The following RIPOR3 variants were observed in gnomAD, a reference collection of about 807,000 sequenced individuals.
The protein encoded by RIPOR3 is RIPOR family member 3, also known as family with sequence similarity 65 member C.
In RIPOR3, 95 loss-of-function variants were observed where a neutral mutation model predicts 114.3. That is an observed-to-expected ratio of 0.83 (90% CI 0.70 to 0.99). RIPOR3 has a LOEUF of 0.99. Among genes scored for constraint, RIPOR3 ranks in the 50% least tolerant of loss-of-function variants. The pLI is 0.00. For synonymous variants in RIPOR3, 575 were observed against 543.8 expected (o/e 1.06, Z -0.80); for missense variants, 1,252 against 1,266.9 (o/e 0.99, Z 0.18).
intron 2 of RIPOR3, among the ~76,000 whole-genome samples, chr20:50,625,506 C>T (rs575075419): frequency 6.6e-6 from 1 of 152,358 alleles, no homozygotes; most frequent in Non-Finnish European, 1.5e-5. Flanking sequence ...TGCTTGACAG[C>T]TTCACAGGCA....
rs536353049 is a variant in RIPOR3, at chr20:50,656,243, T to C, written c.4-25387A>G. On this transcript the variant is annotated intron_variant, in intron 1 of 21. Coordinates refer to ENST00000327979, the MANE Select transcript of RIPOR3 (RefSeq NM_001290268.2). ...GGCTGTCCTTTCCTTTTCTACTCTT[T>C]GGAGTCGAGGGGCCTGGGTTTGAAT... is the stretch of plus-strand genomic sequence containing the variant. 2.6e-5 allele frequency among the ~76,000 whole-genome samples: 4 copies of C among 151,896 alleles called. No individual in the cohort carries two copies. In the East Asian group the frequency reaches 7.8e-4, roughly 30 times the overall value.
rs114266338 is a variant in RIPOR3, at chr20:50,664,686, C to T, written c.3+26440G>A. 3.3e-3 allele frequency among the ~76,000 whole-genome samples: 499 copies of T among 152,218 alleles called. 2 individuals carry two copies. The highest frequency in any genetic ancestry group is 8.8e-3 in the Admixed American group (134 of 15,276). ...CAAAGAGTTTCAGCTCAGGTTCCAACGCCAAGGTGGGAGATATTGGTTGCT... is the reference window on the plus strand; with the variant it reads ...CAAAGAGTTTCAGCTCAGGTTCCAATGCCAAGGTGGGAGATATTGGTTGCT... On this transcript the variant is annotated intron_variant, in intron 1 of 21. Transcript: ENST00000327979.
At chr20:50,642,932 C>T (rs537683033) in intron 1 of RIPOR3, among the ~76,000 whole-genome samples, 448 of 152,122 alleles carry the variant, frequency 2.9e-3, no homozygotes, top group Non-Finnish European at 4.8e-3. Flanking sequence ...CCTGTAATCC[C>T]AGCTACTCAG....
At chr20:50,622,195 T>C (rs2084436219) in intron 2 of RIPOR3, among the ~76,000 whole-genome samples, 1 of 151,720 alleles carries the variant, frequency 6.6e-6, no homozygotes, top group Non-Finnish European at 1.5e-5. Context: ...TTTTTTTTTT[T>C]TTTTTTGAGA....
At chr20:50,679,136 A>G (rs2086773434) in intron 1 of RIPOR3, among the ~76,000 whole-genome samples, 1 of 15,034 alleles carries the variant, frequency 6.7e-5, no homozygotes, top group Non-Finnish European at 1.9e-4. Context: ...AAAAAAAAAA[A>G]TATATATATA....
At chr20:50,608,817 G>A (rs1354822063) in intron 9 of RIPOR3, 79 bp from the exon 10 acceptor site, 1 of 1,612,420 alleles carries the variant, frequency 6.2e-7, no homozygotes, top group Non-Finnish European at 8.5e-7. Flanking sequence ...TCCCTGCCAG[G>A]CAGAGCCCCA....
intron 1 of RIPOR3, 92 bp downstream of exon 1, chr20:50,691,034 C>T (rs895538660): frequency 1.2e-5 from 15 of 1,284,688 alleles, no homozygotes; most frequent in Admixed American, 2.3e-5. Context: ...CTGTGAGGAA[C>T]GGCTGCCTCC....
chr20:50,603,163 T>C (rs2083567611), intron 12 of RIPOR3, among the ~76,000 whole-genome samples: 2 of 152,380 alleles, frequency 1.3e-5, no homozygotes, highest in African/African-American at 4.8e-5. Flanking sequence ...TATCATCTGT[T>C]TCCCCTGTAG....
intron 19 of RIPOR3, chr20:50,590,114 C>T: frequency 3.6e-6 from 1 of 281,116 alleles, no homozygotes; most frequent in Non-Finnish European, 7.1e-6. Context: ...AACTGATCAT[C>T]CCATGTGCGT....
At chr20:50,622,747 T>A (rs6020641) in intron 2 of RIPOR3, among the ~76,000 whole-genome samples, 3,193 of 151,790 alleles carry the variant, frequency 0.021, 122 homozygotes, top group African/African-American at 0.074. Context: ...ATTTTGGGGG[T>A]CCTTTTATCA....
chr20:50,612,149 G>T (rs1225315252), intron 4 of RIPOR3, among the ~76,000 whole-genome samples: 2 of 150,238 alleles, frequency 1.3e-5, no homozygotes, highest in East Asian at 3.9e-4. Context: ...AAGAAAAAAA[G>T]TAGGACCATC....
chr20:50,598,074 C>T (rs891835274), intron 13 of RIPOR3, among the ~76,000 whole-genome samples: 5 of 152,198 alleles, frequency 3.3e-5, no homozygotes, highest in Admixed American at 1.3e-4. Context: ...GAGGGGGCCA[C>T]GCTCATAGAT....
intron 1 of RIPOR3, among the ~76,000 whole-genome samples, chr20:50,686,274 T>G (rs1430353695): frequency 6.6e-6 from 1 of 151,728 alleles, no homozygotes; most frequent in African/African-American, 2.4e-5. Context: ...GCCAGGATGG[T>G]CTCGATCTCC....
At chr20:50,625,069 TG>T (rs773708596) in intron 2 of RIPOR3, among the ~76,000 whole-genome samples, 6,641 of 141,080 alleles carry the variant, frequency 0.047, 293 homozygotes, top group African/African-American at 0.11. Context: ...TCAGTGCTTT[TG>T]TTTTTTTTTT....
At chr20:50,666,388 C>T (rs960035743) in intron 1 of RIPOR3, among the ~76,000 whole-genome samples, 1 of 150,108 alleles carries the variant, frequency 6.7e-6, no homozygotes, top group Admixed American at 6.7e-5. Flanking sequence ...CTACACCCAG[C>T]TAAATTTTGT....
intron 3 of RIPOR3, among the ~76,000 whole-genome samples, chr20:50,617,707 C>G (rs1428946810): frequency 6.9e-6 from 1 of 144,656 alleles, no homozygotes; most frequent in Non-Finnish European, 1.5e-5. Context: ...CTCACCACAA[C>G]CCCCACCTCC....
In RIPOR3 at chr20:50,608,459, G is replaced by A. The variant is rs545982151; in HGVS notation, c.886C>T (p.Arg296Trp). Residue 296 changes from arginine to tryptophan, a missense_variant, in exon 11 of 22, where the codon CGG becomes TGG. Coordinates refer to ENST00000327979, the MANE Select transcript of RIPOR3 (RefSeq NM_001290268.2). ...ATGTCCACCACGATGACCTGCGGCCGCGTCGTGAAGAAGTCGGCGATGTCA... is the reference window on the plus strand; with the variant it reads ...ATGTCCACCACGATGACCTGCGGCCACGTCGTGAAGAAGTCGGCGATGTCA... ...TCDIADFFTT[R>W]PQVIVVDITE... 2.0e-5 allele frequency: 33 copies of A among 1,613,978 alleles called. 1 individual carries two copies. The East Asian group carries it at 5.6e-4, about 27-fold the overall frequency.
intron 3 of RIPOR3, among the ~76,000 whole-genome samples, chr20:50,617,127 C>G (rs934046401): frequency 6.6e-6 from 1 of 152,074 alleles, no homozygotes; most frequent in Non-Finnish European, 1.5e-5. Flanking sequence ...GGCAACAGAG[C>G]GAGACTTCAT....
At chr20:50,634,854 G>A (rs529641680) in intron 1 of RIPOR3, among the ~76,000 whole-genome samples, 1 of 152,266 alleles carries the variant, frequency 6.6e-6, no homozygotes, top group South Asian at 2.1e-4. Flanking sequence ...ACAACATGGT[G>A]AAACCCTGTC....
Sources: gnomAD v4.1 joint callset for allele counts (sites outside exome capture counted in the v4.1 genomes callset) on GRCh38, gnomAD v4.1.1 for gene constraint, MANE v1.5 for transcripts, NCBI Gene and HGNC (gene_info 2026-07-23, HGNC 2026-07-21) for gene names.